NRXN1: variants seen among roughly 807,000 people sequenced by gnomAD.
NRXN1 encodes the protein neurexin 1.
In NRXN1, 39 loss-of-function variants were observed where a neutral mutation model predicts 150.9. The observed-to-expected ratio is 0.26, with a 90% CI of 0.20 to 0.34. The LOEUF (loss-of-function observed/expected upper bound fraction) is 0.34, where lower values mean the gene tolerates loss of function less well. Ranked by LOEUF, NRXN1 falls within the 10% of genes least tolerant of loss-of-function variation. NRXN1 has a pLI of 1.00. For missense variants in NRXN1, 1,815 were observed against 1,949.9 expected, an observed-to-expected ratio of 0.93 and a Z score of 1.30; for synonymous variants, 924 against 757.0, an observed-to-expected ratio of 1.22 and a Z score of -3.62.
chr2:50,551,092 G>A (rs1371625179), intron 9 of NRXN1, among the ~76,000 whole-genome samples: 164 of 124,372 alleles, frequency 1.3e-3, no homozygotes, highest in African/African-American at 5.3e-3. Context: ...AGGAGGAGGA[G>A]GAGGAGGAGG....
chr2:50,347,430 C>T lies in NRXN1; in HGVS notation c.3365-110460G>A, dbSNP rs1309864821. The T allele has an allele frequency of 2.6e-6, 3 of 1,144,258 alleles. No homozygotes were observed. The highest frequency in any genetic ancestry group is 3.3e-5 in the South Asian group (2 of 59,934). The allele number at this position is 1,144,258 out of a possible 1,614,324, so 70.9% of individuals were successfully genotyped here. ...GCTTTGTGTGCGGGGACTAGGGAGG[C>T]CACTTCGCCGGCCCAACCTCCTTTC... On this transcript the variant is annotated intron_variant, in intron 17 of 22. Coordinates refer to ENST00000401669, the MANE Select transcript of NRXN1 (RefSeq NM_001330078.2). The surrounding 1 kb of genome is among the most constrained non-coding windows in gnomAD (Gnocchi z 4.9).
intron 17 of NRXN1, among the ~76,000 whole-genome samples, chr2:50,382,826 G>C (rs191130442): frequency 1.3e-5 from 2 of 152,120 alleles, no homozygotes; most frequent in African/African-American, 2.4e-5. Flanking sequence ...CTAATGAAAA[G>C]TCACAGCTTT....
At chr2:51,017,503 CTTTTTTTTTTTTTTTTTTTTTTT>C (rs70958638) in intron 2 of NRXN1, among the ~76,000 whole-genome samples, 3 of 44,302 alleles carry the variant, frequency 6.8e-5, no homozygotes, top group African/African-American at 3.4e-4. Flanking sequence ...CCACATCTGG[CTTTTTTTTTTTTTTTTTTTTTTT>C]TTTTTTTTTT....
At chr2:50,946,733 G>C (rs192979796) in intron 2 of NRXN1, among the ~76,000 whole-genome samples, 1 of 151,992 alleles carries the variant, frequency 6.6e-6, no homozygotes, top group Non-Finnish European at 1.5e-5. Context: ...TTAAAAAAAC[G>C]CAAGACTTAT....
chr2:50,452,895 C>T (rs2087127216), intron 17 of NRXN1, among the ~76,000 whole-genome samples: 1 of 152,142 alleles, frequency 6.6e-6, no homozygotes, highest in South Asian at 2.1e-4. Flanking sequence ...ATTCTCCTCA[C>T]ACTGGAGGGA....
At chr2:50,763,441 G>C (rs1018303338) in intron 5 of NRXN1, among the ~76,000 whole-genome samples, 1 of 151,854 alleles carries the variant, frequency 6.6e-6, no homozygotes, top group African/African-American at 2.4e-5. Context: ...ACAAAATACA[G>C]CTTAATTAAT....
intron 2 of NRXN1, among the ~76,000 whole-genome samples, chr2:50,931,476 T>G (rs1358634492): frequency 6.6e-6 from 1 of 152,094 alleles, no homozygotes; most frequent in Non-Finnish European, 1.5e-5. Context: ...TTATATGATA[T>G]GACCGACCTG....
At chr2:50,994,879 C>A (rs992475558) in intron 2 of NRXN1, among the ~76,000 whole-genome samples, 1 of 151,892 alleles carries the variant, frequency 6.6e-6, no homozygotes, top group African/African-American at 2.4e-5. Flanking sequence ...CACATACAAA[C>A]GGTGATGCAA....
chr2:50,725,894 T>C (rs1399346714), intron 5 of NRXN1, among the ~76,000 whole-genome samples: 2 of 152,140 alleles, frequency 1.3e-5, no homozygotes, highest in African/African-American at 4.8e-5. Flanking sequence ...ATTAATCATG[T>C]TTGCATTATC....
intron 17 of NRXN1, among the ~76,000 whole-genome samples, chr2:50,255,213 T>C (rs1159537984): frequency 6.6e-6 from 1 of 152,210 alleles, no homozygotes; most frequent in Non-Finnish European, 1.5e-5. Flanking sequence ...CTGTAAGATT[T>C]ATAACTCAAC....
At chr2:50,921,233 C>G (rs763294814) in intron 5 of NRXN1, among the ~76,000 whole-genome samples, 2 of 151,736 alleles carry the variant, frequency 1.3e-5, no homozygotes, top group Non-Finnish European at 2.9e-5. Flanking sequence ...TTCTGGATTT[C>G]GTACCAACAT....
intron 5 of NRXN1, among the ~76,000 whole-genome samples, chr2:50,649,251 T>TACACATACACACACAC (rs1284650257): frequency 8.8e-5 from 7 of 79,548 alleles, no homozygotes; most frequent in African/African-American, 3.2e-4. Context: ...TATACACACA[T>TACACATACACACACAC]ACACACATAC....
intron 18 of NRXN1, among the ~76,000 whole-genome samples, chr2:50,167,577 T>A (rs1423811243): frequency 6.6e-6 from 1 of 152,056 alleles, no homozygotes; most frequent in Admixed American, 6.5e-5. Context: ...AACCTGATTA[T>A]CAATTGTTCC....
In NRXN1 at chr2:50,543,117, G is replaced by A. The variant is rs573072584; in HGVS notation, c.1760-4481C>T. 2.0e-5 allele frequency among the ~76,000 whole-genome samples: 3 copies of A among 152,114 alleles called. No homozygotes were observed. In the South Asian group the frequency reaches 6.2e-4, roughly 32 times the overall value. ...AAATGTTATAAATACATTTTTAAGAGAAAACAAAAATCTAAATATATTAAT... is the reference window on the plus strand; with the variant it reads ...AAATGTTATAAATACATTTTTAAGAAAAAACAAAAATCTAAATATATTAAT... On this transcript the variant is annotated intron_variant, in intron 9 of 22. Transcript: ENST00000401669.
intron 12 of NRXN1, among the ~76,000 whole-genome samples, chr2:50,509,061 C>A (rs1416516886): frequency 6.6e-6 from 1 of 152,096 alleles, no homozygotes; most frequent in African/African-American, 2.4e-5. Flanking sequence ...CTTGCTTCAC[C>A]TTTACATTAT....
chr2:50,451,699 T>C (rs1425362155), intron 17 of NRXN1, among the ~76,000 whole-genome samples: 1 of 152,244 alleles, frequency 6.6e-6, no homozygotes, highest in Non-Finnish European at 1.5e-5. Context: ...AGATATTTCA[T>C]AACACGATCT....
intron 17 of NRXN1, among the ~76,000 whole-genome samples, chr2:50,462,055 T>C (rs990137548): frequency 3.3e-5 from 5 of 151,906 alleles, no homozygotes; most frequent in African/African-American, 2.4e-5. Flanking sequence ...GAATTCCACA[T>C]TGACTAACTT....
At chr2:50,070,886 C>A (rs1573736320) in intron 19 of NRXN1, among the ~76,000 whole-genome samples, 1 of 151,746 alleles carries the variant, frequency 6.6e-6, no homozygotes, top group Non-Finnish European at 1.5e-5. Context: ...AGAAATAGTT[C>A]ATTGCATAAA....
intron 3 of NRXN1, among the ~76,000 whole-genome samples, chr2:50,924,334 A>G (rs1160999482): frequency 6.6e-6 from 1 of 151,754 alleles, no homozygotes; most frequent in Non-Finnish European, 1.5e-5. Context: ...ATTATGATTG[A>G]ACAGACTTTA....
Sources: gnomAD v4.1 joint callset for allele counts (sites outside exome capture counted in the v4.1 genomes callset) on GRCh38, gnomAD v4.1.1 for gene constraint, Gnocchi (gnomAD v3.1) non-coding constraint, MANE v1.5 for transcripts, NCBI Gene and HGNC (gene_info 2026-07-23, HGNC 2026-07-21) for gene names.